Variants in CSMD3 observed in about 807,000 individuals in gnomAD.
The protein encoded by CSMD3 is CUB and Sushi multiple domains 3, also known as CUB and sushi domain-containing protein 3.
Under a neutral mutation model 435.2 loss-of-function variants are expected in CSMD3, and 177 were observed. The observed-to-expected ratio is 0.41, with a 90% CI of 0.36 to 0.46. The LOEUF (loss-of-function observed/expected upper bound fraction) is 0.46. Ranked by LOEUF, CSMD3 falls within the 20% of genes least tolerant of loss-of-function variation. The pLI, the probability that CSMD3 is intolerant of heterozygous loss-of-function variation, is 0.34. For missense variants in CSMD3, 4,265 were observed against 4,504.6 expected, an observed-to-expected ratio of 0.95 and a Z score of 1.52; for synonymous variants, 1,656 against 1,520.5, an observed-to-expected ratio of 1.09 and a Z score of -2.07.
chr8:112,468,818 T>C (rs1252276076), intron 32 of CSMD3, among the ~76,000 whole-genome samples: 2 of 151,848 alleles, frequency 1.3e-5, no homozygotes, highest in Admixed American at 1.3e-4. Flanking sequence ...ATAAGGAGAG[T>C]AAAATATTAA....
At chr8:112,746,932 A>G (rs1271031498) in intron 13 of CSMD3, among the ~76,000 whole-genome samples, 1 of 152,070 alleles carries the variant, frequency 6.6e-6, no homozygotes, top group Non-Finnish European at 1.5e-5. Context: ...GTTGATTTCA[A>G]AATTCATGTA....
intron 5 of CSMD3, among the ~76,000 whole-genome samples, chr8:113,037,464 T>C (rs1158787611): frequency 1.3e-5 from 2 of 152,118 alleles, no homozygotes; most frequent in Admixed American, 6.5e-5. Context: ...TTCTACATTA[T>C]TTATCTTTTT....
intron 27 of CSMD3, among the ~76,000 whole-genome samples, chr8:112,537,410 T>A (rs551419857): frequency 1.8e-4 from 27 of 151,532 alleles, no homozygotes; most frequent in African/African-American, 5.3e-4. Context: ...GGAAAAAAAA[T>A]TGAGAGTGAA....
chr8:112,954,032 G>T (rs186387781), intron 8 of CSMD3, among the ~76,000 whole-genome samples: 1 of 151,282 alleles, frequency 6.6e-6, no homozygotes, highest in African/African-American at 2.4e-5. Flanking sequence ...AAAAAATTTC[G>T]TGTTTGGTTA....
intron 10 of CSMD3, 53 bp from the exon 11 acceptor site, chr8:112,859,319 C>T (rs1475281519): frequency 3.4e-6 from 5 of 1,472,180 alleles, no homozygotes; most frequent in Non-Finnish European, 4.7e-6. Context: ...TGTAAAATTA[C>T]AACAATAAAA....
intron 68 of CSMD3, 28 bp from the exon 69 acceptor site, chr8:112,231,660 C>T: frequency 8.1e-7 from 1 of 1,242,016 alleles, no homozygotes; most frequent in Non-Finnish European, 1.2e-6. Context: ...GCCAAATATA[C>T]TTGAATACTG....
At chr8:112,775,991 T>C (rs2078236144) in intron 13 of CSMD3, among the ~76,000 whole-genome samples, 1 of 151,858 alleles carries the variant, frequency 6.6e-6, no homozygotes, top group Non-Finnish European at 1.5e-5. Context: ...ACTTCTAGCA[T>C]GATACTTGAT....
At chr8:112,633,126 T>C (rs2074562909) in intron 22 of CSMD3, among the ~76,000 whole-genome samples, 1 of 152,058 alleles carries the variant, frequency 6.6e-6, no homozygotes, top group African/African-American at 2.4e-5. Flanking sequence ...TTTCCTGTTA[T>C]ACTCTTAATT....
chr8:112,897,598 C>T (rs1277158367), intron 10 of CSMD3, among the ~76,000 whole-genome samples: 1 of 150,472 alleles, frequency 6.6e-6, no homozygotes, highest in Non-Finnish European at 1.5e-5. Flanking sequence ...ACCTAAGTAT[C>T]AACAGGTTAA....
At chr8:112,662,106 T>C (rs1403230518) in intron 17 of CSMD3, among the ~76,000 whole-genome samples, 3 of 152,094 alleles carry the variant, frequency 2.0e-5, no homozygotes, top group Admixed American at 2.0e-4. Flanking sequence ...CCAAGGTAAT[T>C]TATAGATTCA....
chr8:112,266,243 A>G (rs2130424553), intron 59 of CSMD3, among the ~76,000 whole-genome samples: 1 of 152,266 alleles, frequency 6.6e-6, no homozygotes, highest in African/African-American at 2.4e-5. Flanking sequence ...AACCCCTAAA[A>G]GGAGGTAGGA....
At chr8:112,722,811 T>C (rs1297532449) in intron 13 of CSMD3, among the ~76,000 whole-genome samples, 2 of 152,162 alleles carry the variant, frequency 1.3e-5, no homozygotes, top group African/African-American at 4.8e-5. Flanking sequence ...TAAATAATAA[T>C]GGTAATTATG....
intron 24 of CSMD3, among the ~76,000 whole-genome samples, chr8:112,569,793 CTG>C (rs1045964152): frequency 6.6e-5 from 10 of 152,156 alleles, no homozygotes; most frequent in African/African-American, 2.4e-4. Context: ...TTCCTAATCT[CTG>C]TGTCTTTCCT....
At position 112,318,709 on chromosome 8, in the gene CSMD3, T is replaced by C. The variant is rs907259550; in HGVS notation, c.7360+128A>G. 6.0e-6 allele frequency: 4 copies of C among 668,842 alleles called. No homozygotes were observed. In the African/African-American group the frequency reaches 7.3e-5, roughly 12 times the overall value. The allele number at this position is 668,842 out of a possible 1,614,324, so 41.4% of individuals were successfully genotyped here. Reference sequence around the variant, plus strand: ...TAAATGAAATAGCACATATGAGTTATAAAATGTATAGCATTGTTTCCAGTT... The same window carrying C: ...TAAATGAAATAGCACATATGAGTTACAAAATGTATAGCATTGTTTCCAGTT... On this transcript the variant is annotated intron_variant, in intron 47 of 70. Transcript: ENST00000297405.
At chr8:112,484,514 C>T (rs1413632748) in intron 31 of CSMD3, among the ~76,000 whole-genome samples, 2 of 149,478 alleles carry the variant, frequency 1.3e-5, no homozygotes, top group East Asian at 1.9e-4. Context: ...CACACACACA[C>T]ATATATATAT....
chr8:113,079,744 T>C (rs1159302830), intron 5 of CSMD3, among the ~76,000 whole-genome samples: 1 of 152,166 alleles, frequency 6.6e-6, no homozygotes, highest in Non-Finnish European at 1.5e-5. Flanking sequence ...TTTGATGCTA[T>C]ATTTTTGGAG....
chr8:112,409,598 C>T (rs1832160511), intron 32 of CSMD3, among the ~76,000 whole-genome samples: 1 of 151,866 alleles, frequency 6.6e-6, no homozygotes, highest in Non-Finnish European at 1.5e-5. Context: ...TATTGTTAAT[C>T]TTCTGCCAAA....
chr8:113,047,929 G>T (rs1240923746), intron 5 of CSMD3, among the ~76,000 whole-genome samples: 3 of 151,942 alleles, frequency 2.0e-5, no homozygotes, highest in Non-Finnish European at 4.4e-5. Flanking sequence ...TTTGAAATTA[G>T]GTCTGTATCT....
At chr8:112,830,384 GCACA>G (rs2079834118) in intron 11 of CSMD3, among the ~76,000 whole-genome samples, 1 of 151,936 alleles carries the variant, frequency 6.6e-6, no homozygotes, top group Non-Finnish European at 1.5e-5. Flanking sequence ...ACTTTGAGAG[GCACA>G]CTATACCATG....
Sources: allele counts gnomAD v4.1 joint callset (sites outside exome capture counted in the v4.1 genomes callset), GRCh38; gene constraint gnomAD v4.1.1; transcripts MANE v1.5; gene names NCBI Gene and HGNC (gene_info 2026-07-23, HGNC 2026-07-21).